The following ROBO2 variants were observed in gnomAD, a reference collection of about 807,000 sequenced individuals.
ROBO2 encodes roundabout homolog 2.
ROBO2 carries 53 observed loss-of-function variants against 160.8 expected under a neutral mutation model. The observed-to-expected ratio is 0.33, with a 90% CI of 0.26 to 0.41. The LOEUF (loss-of-function observed/expected upper bound fraction) is 0.41. Among genes scored for constraint, ROBO2 ranks in the 10% least tolerant of loss-of-function variants. ROBO2 has a pLI of 1.00. For synonymous variants in ROBO2, 664 were observed against 611.7 expected (o/e 1.09, Z -1.26); for missense variants, 1,577 against 1,722.4 (o/e 0.92, Z 1.49).
intron 2 of ROBO2, among the ~76,000 whole-genome samples, chr3:77,123,386 A>G (rs2074976432): frequency 6.6e-6 from 1 of 152,152 alleles, no homozygotes; most frequent in Non-Finnish European, 1.5e-5. Flanking sequence ...ATTCAAGATG[A>G]TTCATCAAAT....
chr3:76,446,116 G>A (rs894132186), intron 2 of ROBO2, among the ~76,000 whole-genome samples: 2 of 152,150 alleles, frequency 1.3e-5, no homozygotes, highest in African/African-American at 4.8e-5. Flanking sequence ...GTTTGCAGAT[G>A]ACATGATTGT....
chr3:77,569,547 C>G (rs971110367), intron 13 of ROBO2, among the ~76,000 whole-genome samples: 4 of 151,890 alleles, frequency 2.6e-5, no homozygotes, highest in African/African-American at 9.6e-5. Context: ...TGTTTATATA[C>G]TCTATTTTGT....
At chr3:76,567,656 C>G (rs77779323) in intron 2 of ROBO2, among the ~76,000 whole-genome samples, 2 of 41,542 alleles carry the variant, frequency 4.8e-5, no homozygotes. Flanking sequence ...TATATATACA[C>G]ATACACATAT....
intron 1 of ROBO2, among the ~76,000 whole-genome samples, chr3:75,928,529 A>G (rs1052113937): frequency 6.6e-6 from 1 of 152,124 alleles, no homozygotes; most frequent in African/African-American, 2.4e-5. Context: ...GGTTGTTTCC[A>G]TTCCTTTAAC....
Position 76,374,242 on chromosome 3 carries a change from G to A in ROBO2, c.109+436640G>A, listed in dbSNP as rs185435202. Among the ~76,000 whole-genome samples, 5 of 152,046 alleles carry A rather than the reference G, an allele frequency of 3.3e-5. No individual in the cohort carries two copies. The East Asian group carries it at 9.7e-4, about 30-fold the overall frequency. On this transcript the variant is annotated intron_variant, in intron 2 of 26. Coordinates refer to the ROBO2 transcript ENST00000487694. ...CTACAAATGATAAAGCATCCAGAATGTCACAAGAGACTAAGCTACAGTGAA... is the reference window on the plus strand; with the variant it reads ...CTACAAATGATAAAGCATCCAGAATATCACAAGAGACTAAGCTACAGTGAA...
intron 2 of ROBO2, among the ~76,000 whole-genome samples, chr3:76,177,695 A>G (rs544214068): frequency 2.0e-5 from 3 of 152,252 alleles, no homozygotes; most frequent in Admixed American, 1.3e-4. Context: ...AAGTCAGTCT[A>G]TTTCTTTTAT....
chr3:77,261,855 A>T (rs1380330179), intron 2 of ROBO2, among the ~76,000 whole-genome samples: 1 of 151,208 alleles, frequency 6.6e-6, no homozygotes, highest in Non-Finnish European at 1.5e-5. Context: ...GCAGCCTCAA[A>T]CCCCTGGGCT....
chr3:76,937,929 T>C (rs1559731974), intron 2 of ROBO2, among the ~76,000 whole-genome samples: 3 of 152,182 alleles, frequency 2.0e-5, no homozygotes, highest in South Asian at 4.1e-4. Context: ...TTGTTCTGTT[T>C]GGAATATTAA....
At chr3:77,402,898 C>G (rs909582035) in intron 2 of ROBO2, among the ~76,000 whole-genome samples, 1 of 152,076 alleles carries the variant, frequency 6.6e-6, no homozygotes, top group Non-Finnish European at 1.5e-5. Flanking sequence ...CATTCCTGCT[C>G]TAAAGGTTTC....
At chr3:77,481,264 T>A (rs548074042) in intron 4 of ROBO2, 45 bp downstream of exon 4, 1 of 1,450,504 alleles carries the variant, frequency 6.9e-7, no homozygotes, top group Non-Finnish European at 9.1e-7. Context: ...TTATCAATTT[T>A]TCTTTGCTTT....
intron 2 of ROBO2, among the ~76,000 whole-genome samples, chr3:76,524,022 T>G (rs915099339): frequency 6.6e-6 from 1 of 151,406 alleles, no homozygotes; most frequent in African/African-American, 2.4e-5. Flanking sequence ...TCTTCACATA[T>G]CAGAGAAAAA....
At chr3:77,164,026 T>G (rs12487859) in intron 2 of ROBO2, among the ~76,000 whole-genome samples, 61,891 of 151,914 alleles carry the variant, frequency 0.41, 13,122 homozygotes, top group Middle Eastern at 0.54. Context: ...GATTAGAGGA[T>G]CCATTCTAAT....
At chr3:77,321,387 C>A (rs1398083150) in intron 2 of ROBO2, among the ~76,000 whole-genome samples, 1 of 152,020 alleles carries the variant, frequency 6.6e-6, no homozygotes, top group Non-Finnish European at 1.5e-5. Context: ...CATGATGGCA[C>A]ACACCTGTGG....
At chr3:76,799,015 C>A (rs756576881) in intron 2 of ROBO2, among the ~76,000 whole-genome samples, 10 of 151,992 alleles carry the variant, frequency 6.6e-5, no homozygotes, top group Admixed American at 1.3e-4. Flanking sequence ...GAGATGGAGA[C>A]CATCCTGGCT....
intron 2 of ROBO2, among the ~76,000 whole-genome samples, chr3:76,893,156 G>A (rs866993145): frequency 1.3e-5 from 2 of 151,936 alleles, no homozygotes; most frequent in Non-Finnish European, 1.5e-5. Context: ...ATTATCCTTT[G>A]AGTTATTTTT....
chr3:77,377,396 T>C (rs796747628), intron 2 of ROBO2, among the ~76,000 whole-genome samples: 3 of 152,310 alleles, frequency 2.0e-5, no homozygotes, highest in African/African-American at 7.2e-5. Context: ...TTTATTCCCT[T>C]TGAAAAACAA....
At chr3:76,030,429 G>A (rs1291246349) in intron 2 of ROBO2, among the ~76,000 whole-genome samples, 1 of 152,144 alleles carries the variant, frequency 6.6e-6, no homozygotes, top group Non-Finnish European at 1.5e-5. Flanking sequence ...TTTTAGTCAT[G>A]AAGTCCTTGC....
chr3:76,016,062 A>G (rs2107640245), intron 2 of ROBO2, among the ~76,000 whole-genome samples: 1 of 152,298 alleles, frequency 6.6e-6, no homozygotes, highest in South Asian at 2.1e-4. Flanking sequence ...TTCACATAAA[A>G]CATGAGAATA....
chr3:76,519,888 A>AT (rs2081516120), intron 2 of ROBO2, among the ~76,000 whole-genome samples: 1 of 152,158 alleles, frequency 6.6e-6, no homozygotes, highest in Non-Finnish European at 1.5e-5. Flanking sequence ...GATCCATGCA[A>AT]CTTGAATGGA....
Sources: allele counts gnomAD v4.1 joint callset (sites outside exome capture counted in the v4.1 genomes callset), GRCh38; gene constraint gnomAD v4.1.1; transcripts MANE v1.5; gene names NCBI Gene and HGNC (gene_info 2026-07-23, HGNC 2026-07-21).